Variants in CD81 observed in about 807,000 individuals in gnomAD.
The protein encoded by CD81 is CD81 molecule.
A neutral mutation model predicts 30.1 loss-of-function variants in CD81; 10 were observed. The ratio of observed to expected loss-of-function variants is 0.33; its 90% CI spans 0.21 to 0.56. The LOEUF (loss-of-function observed/expected upper bound fraction) is 0.56, where lower values mean the gene tolerates loss of function less well. CD81 is among the 20% of genes least tolerant of loss of function. CD81 has a pLI of 0.89. For missense variants in CD81, 263 were observed against 308.7 expected, an observed-to-expected ratio of 0.85 and a Z score of 1.11; for synonymous variants, 147 against 126.4, an observed-to-expected ratio of 1.16 and a Z score of -1.10.
chr11:2,393,773 T>C (rs1849944759), intron 2 of CD81: 1 of 609,042 alleles, frequency 1.6e-6, no homozygotes, highest in African/African-American at 1.8e-5. Context: ...CGGTGGGTGG[T>C]GGGTGTGGCA....
At chr11:2,396,471 C>T (rs1007818045) in intron 6 of CD81, 157 bp from the exon 7 acceptor site, 13 of 712,730 alleles carry the variant, frequency 1.8e-5, no homozygotes, top group Admixed American at 1.6e-4. Context: ...GAGGCCGGGC[C>T]GCTGCACCCG....
intron 1 of CD81, chr11:2,386,614 C>G (rs1450550445): frequency 1.4e-6 from 1 of 717,210 alleles, no homozygotes; most frequent in East Asian, 2.7e-5. Context: ...TTTGTCCATG[C>G]TAGGGCTGGG....
At position 2,386,765 on chromosome 11, in the gene CD81, G is replaced by A. The variant is rs531350459; in HGVS notation, c.67-3647G>A. On this transcript the variant is annotated intron_variant, in intron 1 of 7. Coordinates refer to ENST00000263645, the MANE Select transcript of CD81 (RefSeq NM_004356.4). Reference sequence around the variant, plus strand: ...ACAGGCTGGCGTCACCCCCATTTCCGGCTGTCCCTCCCACCCCCTCCTGGC... The same window carrying A: ...ACAGGCTGGCGTCACCCCCATTTCCAGCTGTCCCTCCCACCCCCTCCTGGC... 9 of 655,476 alleles carry A rather than the reference G, an allele frequency of 1.4e-5. No individual in the cohort carries two copies. In the East Asian group the frequency reaches 1.4e-4, roughly 10 times the overall value. The allele number at this position is 655,476 out of a possible 1,614,324, so 40.6% of individuals were successfully genotyped here.
intron 1 of CD81, among the ~76,000 whole-genome samples, chr11:2,381,575 T>C (rs1589845873): frequency 1.3e-5 from 2 of 152,202 alleles, no homozygotes; most frequent in East Asian, 1.9e-4. Flanking sequence ...GCTTTGCTCA[T>C]AGAGTCAATA....
intron 1 of CD81, among the ~76,000 whole-genome samples, chr11:2,384,425 C>T (rs1436109953): frequency 3.9e-5 from 4 of 102,088 alleles, no homozygotes; most frequent in African/African-American, 1.6e-4. Flanking sequence ...GGGGGTGGGG[C>T]ATCTCGGGAG....
rs758848996 is a variant in CD81, at chr11:2,395,402, C to T, written c.355-14C>T. On this transcript the variant is annotated splice_polypyrimidine_tract_variant and intron_variant, in intron 4 of 7. Transcript: ENST00000263645. ...GAGGTTCCCCCTGTGCATGTGACCGCACCCCTCCCCCAGATCGCCAAGGAT... is the reference window on the plus strand; with the variant it reads ...GAGGTTCCCCCTGTGCATGTGACCGTACCCCTCCCCCAGATCGCCAAGGAT... The T allele has an allele frequency of 1.1e-5, 17 of 1,601,226 alleles. No individual in the cohort carries two copies. The African/African-American group carries it at 2.3e-4, about 21-fold the overall frequency.
At chr11:2,380,734 A>G (rs1218803444) in intron 1 of CD81, among the ~76,000 whole-genome samples, 3 of 152,020 alleles carry the variant, frequency 2.0e-5, no homozygotes, top group Non-Finnish European at 4.4e-5. Context: ...CGGGACAGGG[A>G]ACTGGCCTGT....
rs1210620672 is a variant in CD81, at chr11:2,394,641, G to T, written c.280-331G>T. On this transcript the variant is annotated intron_variant, in intron 3 of 7. Transcript: ENST00000263645. ...AGGGGGTGGGGAAGATCAGTCAGGG[G>T]TCATGCTGCTGCACACGCCTCCCTG... Among the ~76,000 whole-genome samples, 6 of 152,122 alleles carry T rather than the reference G, an allele frequency of 3.9e-5. No homozygotes were observed. In the East Asian group the frequency reaches 1.2e-3, roughly 29 times the overall value.
rs1589847410 is a variant in CD81 at position 2,384,493 on chromosome 11, C to G, written c.67-5919C>G. On this transcript the variant is annotated intron_variant, in intron 1 of 7. Coordinates refer to ENST00000263645, the MANE Select transcript of CD81 (RefSeq NM_004356.4). ...GGGTGGGGCATCTTGTGGGGTAGGG[C>G]GGCTTGTGGGGTGGGGCATCTTGTG... Among the ~76,000 whole-genome samples the G allele has an allele frequency of 6.6e-5, 5 of 76,000 alleles. No individual in the cohort carries two copies. In the Admixed American group the frequency reaches 9.2e-4, roughly 14 times the overall value. The allele number at this position is 76,000 out of a possible 152,430, so 49.9% of individuals were successfully genotyped here.
rs577639930 is a variant in CD81, at chr11:2,395,895, G to C, written c.486G>C (p.Leu162=). 1.2e-6 allele frequency: 2 copies of C among 1,612,302 alleles called. No individual in the cohort carries two copies. Among genetic ancestry groups the C allele is most frequent in the South Asian group, 1.1e-5 (1 of 91,080 alleles). Residue 162 remains leucine (L), a synonymous_variant, in exon 6 of 8, where the codon CTG becomes CTC. Coordinates refer to ENST00000263645, the MANE Select transcript of CD81 (RefSeq NM_004356.4). ...TTGACTGCTGTGGCTCCAGCACACT[G>C]ACTGCTTTGACCACCTCAGTGCTCA... The part of the protein sequence containing the change: ...ETLDCCGSST[L]TALTTSVLKN...
intron 2 of CD81, chr11:2,393,888 C>A (rs1297178459): frequency 1.4e-6 from 1 of 700,406 alleles, no homozygotes; most frequent in Admixed American, 2.0e-5. Flanking sequence ...TAGTCTCCGT[C>A]CTGTGTCATG....
At chr11:2,396,761 G>A (rs575061314) in intron 7 of CD81, 43 bp from the exon 8 acceptor site, 31 of 1,611,684 alleles carry the variant, frequency 1.9e-5, no homozygotes, top group East Asian at 8.9e-5. Context: ...TGCCCCTTCC[G>A]CGGGGCCTTG....
At position 2,395,491 on chromosome 11, in the gene CD81, A is replaced by T; in HGVS notation, c.430A>T (p.Lys144Ter). 1 of 1,612,708 alleles carries T rather than the reference A, an allele frequency of 6.2e-7. No individual in the cohort carries two copies. Residue 144 changes from lysine (K) to a stop codon, truncating the protein, a stop_gained, in exon 5 of 8, where the codon AAG becomes TAG. Transcript: ENST00000263645. LOFTEE classifies it high-confidence loss of function. ...GGTGGATGATGACGCCAACAACGCC[A>T]AGGCTGTGGTGAAGACCTTCCACGA... ...AVVDDDANNA[K>*]AVVKTFHETL...
At chr11:2,393,633 G>A (rs1849942063) in intron 2 of CD81, 1 of 540,122 alleles carries the variant, frequency 1.9e-6, no homozygotes, top group South Asian at 2.3e-5. Context: ...TCCGGTTCCT[G>A]GGCTGCCCTC....
In CD81 at chr11:2,397,089, T is replaced by C; in HGVS notation, c.*223T>C. On this transcript the variant is annotated 3_prime_UTR_variant, in exon 8 of 8. Transcript: ENST00000263645. ...GTGTATGAGTGGAGACGGGCCTGGG[T>C]CTTGGGGACTGGAGGGCAGGGGTCC... 2 of 590,256 alleles carry C rather than the reference T, an allele frequency of 3.4e-6. No individual in the cohort carries two copies. The highest frequency in any genetic ancestry group is 1.9e-5 in the South Asian group (1 of 51,484). 36.6% of individuals were successfully genotyped at this position (590,256 alleles called of 1,614,324 possible).
intron 2 of CD81, chr11:2,391,542 C>T (rs1849900782): frequency 6.6e-6 from 1 of 152,264 alleles, no homozygotes; most frequent in African/African-American, 2.4e-5. Flanking sequence ...GCTCATGGGT[C>T]AGAGGGCCGG....
At chr11:2,383,436 G>A (rs1163182661) in intron 1 of CD81, among the ~76,000 whole-genome samples, 1 of 152,112 alleles carries the variant, frequency 6.6e-6, no homozygotes, top group African/African-American at 2.4e-5. Flanking sequence ...GTTCACCTCC[G>A]GCCCCCAGCG....
intron 2 of CD81, among the ~76,000 whole-genome samples, chr11:2,390,913 T>G (rs1589851141): frequency 9.5e-6 from 1 of 104,874 alleles, no homozygotes; most frequent in Non-Finnish European, 1.9e-5. Context: ...GCTCAAGGGA[T>G]GGAACCCAGT....
At chr11:2,394,790 G>A (rs1849966699) in intron 3 of CD81, 182 bp from the exon 4 acceptor site, 2 of 674,778 alleles carry the variant, frequency 3.0e-6, no homozygotes, top group Non-Finnish European at 5.4e-6. Context: ...GCTCCTCCCT[G>A]CGCTGAGTTT....
Sources: gnomAD v4.1 joint callset for allele counts (sites outside exome capture counted in the v4.1 genomes callset) on GRCh38, gnomAD v4.1.1 for gene constraint, MANE v1.5 for transcripts, NCBI Gene and HGNC (gene_info 2026-07-23, HGNC 2026-07-21) for gene names.